MFSD11: variants seen among roughly 807,000 people sequenced by gnomAD.
The protein encoded by MFSD11 is UNC93-like protein MFSD11.
MFSD11 carries 36 observed loss-of-function variants against 53.5 expected under a neutral mutation model. That is an observed-to-expected ratio of 0.67 (90% CI 0.52 to 0.89). The LOEUF (loss-of-function observed/expected upper bound fraction) is 0.89. Among genes scored for constraint, MFSD11 ranks in the 40% least tolerant of loss-of-function variants. The pLI, the probability that MFSD11 is intolerant of heterozygous loss-of-function variation, is 0.00. For missense variants in MFSD11, 530 were observed against 543.9 expected, an observed-to-expected ratio of 0.97 and a Z score of 0.25; for synonymous variants, 186 against 184.9, an observed-to-expected ratio of 1.01 and a Z score of -0.05.
At chr17:76,742,373 C>A (rs74363398) in intron 5 of MFSD11, 100 bp downstream of exon 5, 1 of 945,518 alleles carries the variant, frequency 1.1e-6, no homozygotes, top group African/African-American at 1.7e-5. Context: ...TTCCATGTTA[C>A]GTGACTTAAG....
intron 12 of MFSD11, among the ~76,000 whole-genome samples, chr17:76,777,466 C>A (rs55819350): frequency 0.032 from 4,903 of 152,246 alleles, 268 homozygotes; most frequent in African/African-American, 0.11. Flanking sequence ...AACTACTGGC[C>A]TCAAGTGATC....
At chr17:76,782,771 G>A (rs968624162), downstream of MFSD11, among the ~76,000 whole-genome samples, 14 of 151,638 alleles carry the variant, frequency 9.2e-5, no homozygotes, top group Middle Eastern at 3.4e-3. Flanking sequence ...AGCCCACCAC[G>A]CGGGGCTGCT....
At chr17:76,758,276 A>C (rs1162296639) in intron 8 of MFSD11, among the ~76,000 whole-genome samples, 1 of 150,700 alleles carries the variant, frequency 6.6e-6, no homozygotes. Context: ...AAATATAAAA[A>C]TGAAACTATA....
chr17:76,741,916 C>T (rs948540077), intron 3 of MFSD11, 53 bp from the exon 4 acceptor site: 4 of 1,612,412 alleles, frequency 2.5e-6, no homozygotes, highest in Non-Finnish European at 3.4e-6. Flanking sequence ...GCATAATTGG[C>T]ATTCTATTTC....
chr17:76,747,555 G>A (rs1045825519), intron 7 of MFSD11, among the ~76,000 whole-genome samples: 1 of 151,432 alleles, frequency 6.6e-6, no homozygotes, highest in African/African-American at 2.4e-5. Flanking sequence ...GGCTGGTCTC[G>A]AACTCCTGAC....
chr17:76,779,657 G>T (rs918268686), downstream of MFSD11, among the ~76,000 whole-genome samples: 1 of 151,992 alleles, frequency 6.6e-6, no homozygotes, highest in Non-Finnish European at 1.5e-5. Context: ...GCTAATTTTT[G>T]TATTTTTAGT....
the MFSD11 span, among the ~76,000 whole-genome samples, chr17:76,794,391 T>C: frequency 1 from 149,418 of 150,052 alleles, 74,412 homozygotes; most frequent in Middle Eastern, 1. Flanking sequence ...GCAGGAGAAT[T>C]GCTTGAACCC....
intron 8 of MFSD11, among the ~76,000 whole-genome samples, chr17:76,762,385 T>C (rs2080343021): frequency 6.6e-6 from 1 of 152,326 alleles, no homozygotes; most frequent in South Asian, 2.1e-4. Context: ...GACACACAGA[T>C]ATTCTGCTTT....
the MFSD11 span, among the ~76,000 whole-genome samples, chr17:76,798,474 T>C: frequency 6.6e-6 from 1 of 152,178 alleles, no homozygotes. Flanking sequence ...TTGGTCTTTC[T>C]GGTGACCAGT....
intron 8 of MFSD11, among the ~76,000 whole-genome samples, chr17:76,765,077 T>C (rs2080697405): frequency 6.6e-6 from 1 of 152,216 alleles, no homozygotes. Context: ...AAGATTTTGC[T>C]TCACCCCAGG....
rs138311153 is a variant in MFSD11 at position 76,774,281 on chromosome 17, G to A, written c.875-716G>A. ...TCTTTCTTTTTTTAAAAAAGACAGC[G>A]TCTTGCTATGTTGCTGAGGCTGGTT... On this transcript the variant is annotated intron_variant, in intron 10 of 12. Coordinates refer to ENST00000685175, the MANE Select transcript of MFSD11 (RefSeq NM_001242532.5). Among the ~76,000 whole-genome samples, 228 of 152,034 alleles carry A rather than the reference G, an allele frequency of 1.5e-3. 1 individual carries two copies. The highest frequency in any genetic ancestry group is 5.4e-3 in the African/African-American group (222 of 41,456).
downstream of MFSD11, among the ~76,000 whole-genome samples, chr17:76,779,498 A>G (rs1048586976): frequency 9.9e-5 from 15 of 151,844 alleles, no homozygotes; most frequent in Non-Finnish European, 1.5e-4. Context: ...TTATTTATTT[A>G]TTTAGAGACG....
Position 76,744,356 on chromosome 17 carries a change from G to A in MFSD11, c.531G>A (p.Thr177=), listed in dbSNP as rs1233445990. ...GAAGAACAGTGTTTATTGCCCTAAC[G>A]GTGATTAGCCTTGTGGGGACAGTTC... The part of the protein sequence containing the change: ...SDRRTVFIAL[T]VISLVGTVLF... Residue 177 remains threonine (T), a synonymous_variant, in exon 7 of 13, where the codon ACG becomes ACA. Coordinates refer to ENST00000685175, the MANE Select transcript of MFSD11 (RefSeq NM_001242532.5). 8 of 1,613,966 alleles carry A rather than the reference G, an allele frequency of 5.0e-6. No individual in the cohort carries two copies. Among genetic ancestry groups the A allele is most frequent in the Middle Eastern group, 1.6e-4 (1 of 6,062 alleles).
intron 12 of MFSD11, among the ~76,000 whole-genome samples, chr17:76,777,766 T>C (rs1431720159): frequency 1.3e-5 from 2 of 152,186 alleles, no homozygotes; most frequent in African/African-American, 4.8e-5. Context: ...ATTCTATTCA[T>C]TTGTAATACA....
At chr17:76,793,683 C>G in the MFSD11 span, among the ~76,000 whole-genome samples, 1 of 151,508 alleles carries the variant, frequency 6.6e-6, no homozygotes, top group African/African-American at 2.4e-5. Flanking sequence ...TCCATGAAAT[C>G]TTCACAATTT....
chr17:76,739,577 G>C (rs1040634616), intron 2 of MFSD11, among the ~76,000 whole-genome samples: 4 of 152,118 alleles, frequency 2.6e-5, no homozygotes, highest in African/African-American at 9.7e-5. Context: ...TTTAAAATTA[G>C]ATTTGTTAAT....
chr17:76,770,594 G>A (rs567095944), intron 10 of MFSD11, among the ~76,000 whole-genome samples: 9 of 152,306 alleles, frequency 5.9e-5, no homozygotes, highest in African/African-American at 2.2e-4. Flanking sequence ...CCTACAGACA[G>A]ACAGTCTGGG....
Position 76,776,615 on chromosome 17 carries a change from A to G in MFSD11, c.1185+74A>G. On this transcript the variant is annotated intron_variant, in intron 12 of 12. Coordinates refer to ENST00000685175, the MANE Select transcript of MFSD11 (RefSeq NM_001242532.5). The surrounding 1 kb of genome is among the most constrained non-coding windows in gnomAD (Gnocchi z 4.2). Reference sequence around the variant, plus strand: ...GTGTATTGCCTTGTTTTCCTTGGTTACTTGTATTGTGGTTTTAATTTTTAT... The same window carrying G: ...GTGTATTGCCTTGTTTTCCTTGGTTGCTTGTATTGTGGTTTTAATTTTTAT... The G allele has an allele frequency of 1.5e-6, 2 of 1,367,444 alleles. No homozygotes were observed. The highest frequency in any genetic ancestry group is 2.0e-6 in the Non-Finnish European group (2 of 1,016,644). 84.7% of individuals were successfully genotyped at this position (1,367,444 alleles called of 1,614,324 possible).
At chr17:76,741,124 A>T (rs748080714) in intron 3 of MFSD11, 60 bp downstream of exon 3, 45 of 1,040,020 alleles carry the variant, frequency 4.3e-5, no homozygotes, top group Non-Finnish European at 6.6e-5. Context: ...TTTCAAGTAG[A>T]TAGTAAACTT....
Sources: gnomAD v4.1 joint callset for allele counts (sites outside exome capture counted in the v4.1 genomes callset) on GRCh38, gnomAD v4.1.1 for gene constraint, Gnocchi (gnomAD v3.1) non-coding constraint, MANE v1.5 for transcripts, NCBI Gene and HGNC (gene_info 2026-07-23, HGNC 2026-07-21) for gene names.